The following ARHGAP12 variants were observed in gnomAD, a reference collection of about 807,000 sequenced individuals.
ARHGAP12 encodes the protein Rho GTPase activating protein 12, also known as rho GTPase-activating protein 12.
A neutral mutation model predicts 108.6 loss-of-function variants in ARHGAP12; 64 were observed. The ratio of observed to expected loss-of-function variants is 0.59; its 90% CI spans 0.48 to 0.73. The LOEUF is 0.73. Among genes scored for constraint, ARHGAP12 ranks in the 30% least tolerant of loss-of-function variants. ARHGAP12 has a pLI of 0.00. For synonymous variants in ARHGAP12, 312 were observed against 337.2 expected (o/e 0.93, Z 0.82); for missense variants, 940 against 1,005.9 (o/e 0.93, Z 0.89).
At chr10:31,850,658 G>C (rs1255547132) in intron 6 of ARHGAP12, among the ~76,000 whole-genome samples, 1 of 152,096 alleles carries the variant, frequency 6.6e-6, no homozygotes, top group African/African-American at 2.4e-5. Context: ...TACTAAGCTT[G>C]AGGTATCATT....
At chr10:31,887,845 G>A (rs112436150) in intron 3 of ARHGAP12, among the ~76,000 whole-genome samples, 3,240 of 151,932 alleles carry the variant, frequency 0.021, 53 homozygotes, top group Middle Eastern at 0.037. Context: ...TTTTAGTAGC[G>A]ACGGGGTTTC....
chr10:31,850,842 G>C (rs960467488), intron 6 of ARHGAP12, among the ~76,000 whole-genome samples: 6 of 151,872 alleles, frequency 4.0e-5, no homozygotes, highest in African/African-American at 1.5e-4. Flanking sequence ...GGATAAATAA[G>C]GTTTTATCTT....
At chr10:31,884,610 C>G (rs547185594) in intron 3 of ARHGAP12, among the ~76,000 whole-genome samples, 31 of 152,338 alleles carry the variant, frequency 2.0e-4, no homozygotes, top group African/African-American at 7.5e-4. Flanking sequence ...TACTTTCTCA[C>G]ATTAAAACCC....
At chr10:31,884,284 T>C (rs961636339) in intron 3 of ARHGAP12, among the ~76,000 whole-genome samples, 2 of 151,940 alleles carry the variant, frequency 1.3e-5, no homozygotes, top group African/African-American at 4.8e-5. Flanking sequence ...CTGTTACATA[T>C]TAACATATGT....
chr10:31,871,170 G>A (rs764160737), intron 3 of ARHGAP12, among the ~76,000 whole-genome samples: 3 of 152,282 alleles, frequency 2.0e-5, no homozygotes, highest in South Asian at 4.1e-4. Context: ...AGTCAAGAGA[G>A]TAGTGAAGGG....
intron 3 of ARHGAP12, among the ~76,000 whole-genome samples, chr10:31,894,669 C>T (rs1307041141): frequency 2.0e-5 from 3 of 152,206 alleles, no homozygotes; most frequent in African/African-American, 7.2e-5. Context: ...AATGGCCATA[C>T]TGCCCAAGGT....
intron 13 of ARHGAP12, among the ~76,000 whole-genome samples, chr10:31,817,568 T>C (rs1005368051): frequency 6.6e-6 from 1 of 152,222 alleles, no homozygotes; most frequent in African/African-American, 2.4e-5. Context: ...GTGAACATTA[T>C]TTCAAATCCA....
At chr10:31,888,900 G>A (rs1425797827) in intron 3 of ARHGAP12, among the ~76,000 whole-genome samples, 1 of 150,158 alleles carries the variant, frequency 6.7e-6, no homozygotes, top group East Asian at 2.0e-4. Context: ...TGGATGGGAG[G>A]TGAACATAAG....
At chr10:31,831,683 A>C in intron 10 of ARHGAP12, 56 bp downstream of exon 10, 1 of 1,224,384 alleles carries the variant, frequency 8.2e-7, no homozygotes, top group Non-Finnish European at 1.2e-6. Context: ...TATATTGAGA[A>C]TTTTTAATTT....
chr10:31,891,136 T>C (rs546751897), intron 3 of ARHGAP12, among the ~76,000 whole-genome samples: 65 of 152,322 alleles, frequency 4.3e-4, no homozygotes, highest in African/African-American at 1.4e-3. Context: ...ACTATGATAA[T>C]AGCACCTTGA....
intron 3 of ARHGAP12, among the ~76,000 whole-genome samples, chr10:31,872,963 TC>T (rs1315563551): frequency 6.6e-6 from 1 of 152,120 alleles, no homozygotes; most frequent in East Asian, 1.9e-4. Flanking sequence ...CAAACCACAC[TC>T]AAAACCATAA....
At chr10:31,846,709 G>A (rs1447365490) in intron 6 of ARHGAP12, among the ~76,000 whole-genome samples, 2 of 152,150 alleles carry the variant, frequency 1.3e-5, no homozygotes, top group African/African-American at 2.4e-5. Context: ...ATTTCTTTGG[G>A]TTTACCTTAT....
chr10:31,878,601 T>C (rs958837293), intron 3 of ARHGAP12, among the ~76,000 whole-genome samples: 3 of 152,372 alleles, frequency 2.0e-5, no homozygotes, highest in East Asian at 3.9e-4. Flanking sequence ...TATTCCTTTA[T>C]AGTATAGGGA....
chr10:31,884,854 C>A (rs1838132233), intron 3 of ARHGAP12, among the ~76,000 whole-genome samples: 1 of 152,186 alleles, frequency 6.6e-6, no homozygotes. Context: ...AAATTCTAAT[C>A]TCCAGTTGAG....
chr10:31,914,063 T>C (rs1488540720), intron 1 of ARHGAP12, among the ~76,000 whole-genome samples: 6 of 152,204 alleles, frequency 3.9e-5, no homozygotes, highest in African/African-American at 7.2e-5. Flanking sequence ...CATGAAATAA[T>C]TGTTCTGTTA....
rs1835617282 is a variant in ARHGAP12, at chr10:31,826,536, A to C, written c.1449-151T>G. 6.6e-6 allele frequency: 4 copies of C among 601,894 alleles called. No homozygotes were observed. In the East Asian group the frequency reaches 1.1e-4, roughly 17 times the overall value. 37.3% of individuals were successfully genotyped at this position (601,894 alleles called of 1,614,324 possible). A position where few individuals can be genotyped will look rare whatever the true frequency, so the allele number is the denominator to read the frequency against. On this transcript the variant is annotated intron_variant, in intron 10 of 19. Transcript: ENST00000344936. ...TTGTTTTTATTGGGGATAGATACTA[A>C]TGCAATTTACAGTCATTTTATGGTT... is the stretch of plus-strand genomic sequence containing the variant.
intron 3 of ARHGAP12, among the ~76,000 whole-genome samples, chr10:31,869,420 CCA>C (rs1837455566): frequency 6.6e-6 from 1 of 151,726 alleles, no homozygotes; most frequent in Admixed American, 6.6e-5. Context: ...GCCTGTAATC[CCA>C]GTTACTTGGG....
intron 11 of ARHGAP12, among the ~76,000 whole-genome samples, chr10:31,823,435 C>T (rs1020930994): frequency 3.3e-5 from 5 of 150,772 alleles, no homozygotes; most frequent in Admixed American, 6.6e-5. Context: ...ATGCAGCCTA[C>T]GTGCATTTCA....
In ARHGAP12 at chr10:31,831,780, T is replaced by TAATCC; in HGVS notation, c.1402_1406dup (p.Leu470AspfsTer3). The TAATCC allele has an allele frequency of 6.3e-7, 1 of 1,581,446 alleles. No individual in the cohort carries two copies. The highest frequency in any genetic ancestry group is 8.7e-7 in the Non-Finnish European group (1 of 1,153,168). ...TTTCAGCAATTTTTGTTACATTTAATAATCCATATTTCTCTTGATCCTATG... is the reference window on the plus strand; with the variant it reads ...TTTCAGCAATTTTTGTTACATTTAATAATCCAATCCATATTTCTCTTGATCCTATG... On this transcript the variant is annotated frameshift_variant, in exon 10 of 20. Coordinates refer to ENST00000344936, the MANE Select transcript of ARHGAP12 (RefSeq NM_018287.7). LOFTEE classifies it high-confidence loss of function.
Sources: gnomAD v4.1 joint callset for allele counts (sites outside exome capture counted in the v4.1 genomes callset) on GRCh38, gnomAD v4.1.1 for gene constraint, MANE v1.5 for transcripts, NCBI Gene and HGNC (gene_info 2026-07-23, HGNC 2026-07-21) for gene names.